Variants in THSD4 observed in about 807,000 individuals in gnomAD.
The protein encoded by THSD4 is thrombospondin type-1 domain-containing protein 4.
In THSD4, 69 loss-of-function variants were observed where a neutral mutation model predicts 119.0. The ratio of observed to expected loss-of-function variants is 0.58; its 90% CI spans 0.48 to 0.71. The LOEUF (loss-of-function observed/expected upper bound fraction) is 0.71. Ranked by LOEUF, THSD4 falls within the 30% of genes least tolerant of loss-of-function variation. The pLI, the probability that THSD4 is intolerant of heterozygous loss-of-function variation, is 0.00. For missense variants in THSD4, 1,393 were observed against 1,391.1 expected, an observed-to-expected ratio of 1.00 and a Z score of -0.02; for synonymous variants, 524 against 540.4, an observed-to-expected ratio of 0.97 and a Z score of 0.42.
intron 6 of THSD4, among the ~76,000 whole-genome samples, chr15:71,283,248 C>T (rs536278232): frequency 7.2e-5 from 11 of 152,216 alleles, no homozygotes; most frequent in Admixed American, 5.2e-4. Flanking sequence ...GGATTACAGG[C>T]GTGAGCCATC....
At chr15:71,271,664 T>A (rs926755616) in intron 6 of THSD4, among the ~76,000 whole-genome samples, 6 of 152,220 alleles carry the variant, frequency 3.9e-5, no homozygotes, top group African/African-American at 1.4e-4. Flanking sequence ...TTTTCCCTTT[T>A]CTCTTTCTTT....
At chr15:71,616,607 A>G (rs2050322440) in intron 7 of THSD4, among the ~76,000 whole-genome samples, 1 of 152,238 alleles carries the variant, frequency 6.6e-6, no homozygotes, top group Admixed American at 6.5e-5. Flanking sequence ...ACAATGCAGA[A>G]CTGCGACCAG....
chr15:71,214,964 C>A, intron 3 of THSD4, 71 bp from the exon 4 acceptor site: 3 of 1,219,702 alleles, frequency 2.5e-6, no homozygotes, highest in African/African-American at 3.2e-5. Context: ...GATAAGTCGA[C>A]CCTGCTCAAA....
upstream of THSD4, among the ~76,000 whole-genome samples, chr15:71,113,923 G>GT (rs34068489): frequency 6.3e-4 from 93 of 148,666 alleles, no homozygotes; most frequent in East Asian, 9.8e-4. Flanking sequence ...AGTTGCGCAG[G>GT]TTTTTTTTTT....
At chr15:71,270,959 T>C (rs2044521888) in intron 6 of THSD4, among the ~76,000 whole-genome samples, 1 of 151,998 alleles carries the variant, frequency 6.6e-6, no homozygotes, top group Non-Finnish European at 1.5e-5. Flanking sequence ...ATGTAGCTTG[T>C]AGCAAGGGAG....
At chr15:71,442,656 G>GTGTGTGTA in intron 7 of THSD4, among the ~76,000 whole-genome samples, 1 of 30,640 alleles carries the variant, frequency 3.3e-5, no homozygotes, top group African/African-American at 9.2e-5. Context: ...GTGTGTGTGT[G>GTGTGTGTA]TGTGTATATA....
intron 6 of THSD4, among the ~76,000 whole-genome samples, chr15:71,290,236 C>T (rs1447870751): frequency 6.6e-6 from 1 of 152,208 alleles, no homozygotes; most frequent in South Asian, 2.1e-4. Context: ...ACAGCAGGTC[C>T]TCTGTTCCTG....
At chr15:71,652,277 C>T (rs150262050) in intron 7 of THSD4, among the ~76,000 whole-genome samples, 8 of 152,256 alleles carry the variant, frequency 5.3e-5, no homozygotes, top group Non-Finnish European at 1.2e-4. Context: ...GCCAGCCCCT[C>T]CTGAGACACT....
At chr15:71,706,654 A>G (rs1466841732) in intron 8 of THSD4, among the ~76,000 whole-genome samples, 1 of 152,166 alleles carries the variant, frequency 6.6e-6, no homozygotes, top group East Asian at 1.9e-4. Context: ...GGAGAATGCA[A>G]TGCCCTGGAG....
At chr15:71,112,245 G>A (rs762953777), upstream of THSD4, 1 of 1,604,488 alleles carries the variant, frequency 6.2e-7, no homozygotes, top group South Asian at 1.1e-5. Flanking sequence ...AGTGAGGTGG[G>A]GTGGTGACAG....
intron 6 of THSD4, among the ~76,000 whole-genome samples, chr15:71,377,619 C>A (rs141176418): frequency 2.6e-5 from 4 of 151,908 alleles, no homozygotes; most frequent in Non-Finnish European, 1.5e-5. Context: ...AGAAAGAGGG[C>A]GGGCGTGATG....
intron 7 of THSD4, among the ~76,000 whole-genome samples, chr15:71,509,805 A>T (rs768528039): frequency 6.6e-6 from 1 of 152,336 alleles, no homozygotes; most frequent in East Asian, 1.9e-4. Context: ...AAAGTTTGCC[A>T]TCTGTTACCT....
intron 7 of THSD4, among the ~76,000 whole-genome samples, chr15:71,645,769 T>A (rs1284435488): frequency 6.6e-6 from 1 of 152,150 alleles, no homozygotes; most frequent in Non-Finnish European, 1.5e-5. Context: ...CTTCAGGCAG[T>A]GCATGTAGGC....
At chr15:71,685,777 A>G (rs2051895274) in intron 8 of THSD4, among the ~76,000 whole-genome samples, 1 of 152,164 alleles carries the variant, frequency 6.6e-6, no homozygotes, top group African/African-American at 2.4e-5. Context: ...TTGCAATGGG[A>G]AATCTGAAAC....
At chr15:71,321,724 T>C (rs1254348348) in intron 6 of THSD4, among the ~76,000 whole-genome samples, 2 of 152,218 alleles carry the variant, frequency 1.3e-5, no homozygotes, top group African/African-American at 4.8e-5. Context: ...ATAAATGTAA[T>C]TGCATTCTTA....
rs144183423 is a variant in THSD4 at position 71,228,984 on chromosome 15, A to G, written c.464+13585A>G. On this transcript the variant is annotated intron_variant, in intron 4 of 17. Transcript: ENST00000261862. ...AGTGCTGAAAACGTTTCCTTTCTCA[A>G]TTTGGGGGGAAACAATAATTTTTCC... Among the ~76,000 whole-genome samples the G allele has an allele frequency of 1.4e-3, 218 of 152,260 alleles. 1 individual carries two copies. Among genetic ancestry groups the G allele is most frequent in the African/African-American group, 4.7e-3 (194 of 41,556 alleles).
intron 6 of THSD4, among the ~76,000 whole-genome samples, chr15:71,346,698 G>A (rs1354069371): frequency 6.6e-6 from 1 of 152,080 alleles, no homozygotes; most frequent in Non-Finnish European, 1.5e-5. Flanking sequence ...TTGCTCTTGT[G>A]GTGTTGCTGC....
At chr15:71,740,102 G>A (rs568292834) in intron 11 of THSD4, among the ~76,000 whole-genome samples, 11 of 152,154 alleles carry the variant, frequency 7.2e-5, no homozygotes, top group African/African-American at 2.6e-4. Flanking sequence ...AGGTTTTATT[G>A]TGCAAATTTT....
At chr15:71,139,607 C>G (rs2040583254) in intron 1 of THSD4, among the ~76,000 whole-genome samples, 1 of 152,208 alleles carries the variant, frequency 6.6e-6, no homozygotes, top group Admixed American at 6.5e-5. Context: ...GGGATGATTA[C>G]AGTTAAGAGG....
Sources: allele counts gnomAD v4.1 joint callset (sites outside exome capture counted in the v4.1 genomes callset), GRCh38; gene constraint gnomAD v4.1.1; transcripts MANE v1.5; gene names NCBI Gene and HGNC (gene_info 2026-07-23, HGNC 2026-07-21).